The following ABCA9 variants were observed in gnomAD, a reference collection of about 807,000 sequenced individuals.
The protein encoded by ABCA9 is ATP-binding cassette sub-family A member 9.
ABCA9 carries 183 observed loss-of-function variants against 205.3 expected under a neutral mutation model. That is an observed-to-expected ratio of 0.89 (90% CI 0.79 to 1.01). ABCA9 has a LOEUF of 1.01. Ranked by LOEUF, ABCA9 falls within the 50% of genes least tolerant of loss-of-function variation. The pLI is 0.00. For missense variants in ABCA9, 1,805 were observed against 1,912.4 expected, an observed-to-expected ratio of 0.94 and a Z score of 1.05; for synonymous variants, 651 against 683.3, an observed-to-expected ratio of 0.95 and a Z score of 0.74.
chr17:69,025,775 G>A (rs1242337941), intron 16 of ABCA9, among the ~76,000 whole-genome samples: 2 of 152,118 alleles, frequency 1.3e-5, no homozygotes, highest in Non-Finnish European at 2.9e-5. Flanking sequence ...TACAAGTCGT[G>A]GAGATTGGCA....
At chr17:68,991,948 T>C (rs2069466495) in intron 28 of ABCA9, among the ~76,000 whole-genome samples, 2 of 152,222 alleles carry the variant, frequency 1.3e-5, no homozygotes, top group Non-Finnish European at 2.9e-5. Context: ...AGTAAAATTA[T>C]GGTCTGCCTT....
intron 8 of ABCA9, among the ~76,000 whole-genome samples, chr17:69,034,325 G>A (rs1374720660): frequency 3.9e-5 from 6 of 152,138 alleles, no homozygotes; most frequent in African/African-American, 9.7e-5. Flanking sequence ...GGACCTAGGT[G>A]ATTCTCCCAC....
At chr17:69,016,484 A>G in intron 21 of ABCA9, 94 bp from the exon 22 acceptor site, 5 of 1,166,728 alleles carry the variant, frequency 4.3e-6, no homozygotes, top group Non-Finnish European at 5.9e-6. Flanking sequence ...GTTACTGATA[A>G]TATAATAAGT....
At chr17:68,981,182 A>G (rs1567910138) in intron 37 of ABCA9, among the ~76,000 whole-genome samples, 1 of 152,222 alleles carries the variant, frequency 6.6e-6, no homozygotes, top group Non-Finnish European at 1.5e-5. Context: ...ACGATGTTTC[A>G]GTCAGACAGG....
At chr17:69,034,948 T>C (rs1211954847) in intron 8 of ABCA9, 1 of 216,628 alleles carries the variant, frequency 4.6e-6, no homozygotes, top group Non-Finnish European at 9.0e-6. Context: ...TTTTAAATGC[T>C]TGTGATAACA....
intron 29 of ABCA9, among the ~76,000 whole-genome samples, chr17:68,990,138 G>A (rs1453897928): frequency 6.6e-6 from 1 of 152,128 alleles, no homozygotes; most frequent in East Asian, 1.9e-4. Context: ...TTTGTTCTTT[G>A]GAGAGCAGGA....
chr17:69,018,723 G>C, intron 19 of ABCA9, 144 bp from the exon 20 acceptor site: 1 of 635,612 alleles, frequency 1.6e-6, no homozygotes, highest in Non-Finnish European at 2.5e-6. Flanking sequence ...CCACTTCCTT[G>C]TTTCTAAAAT....
chr17:69,020,673 G>C, intron 18 of ABCA9, 87 bp from the exon 19 acceptor site: 1 of 1,257,616 alleles, frequency 8.0e-7, no homozygotes, highest in East Asian at 2.4e-5. Flanking sequence ...CTACAAAGGT[G>C]TCAAAGTTAC....
At position 68,986,172 on chromosome 17, in the gene ABCA9, G is replaced by A. The variant is rs1161832189; in HGVS notation, c.4200C>T (p.Ala1400=). 1 of 1,610,248 alleles carries A rather than the reference G, an allele frequency of 6.2e-7. No individual in the cohort carries two copies. The highest frequency in any genetic ancestry group is 8.5e-7 in the Non-Finnish European group (1 of 1,178,274). The change falls in exon 32 of 39, where the codon GCC becomes GCT. Residue 1400 remains alanine, a synonymous_variant. Transcript: ENST00000340001. ...KGLRKGDAMI[A]ITRLVDALKL... ...CCCCCAGTCCCAGGTACCGTGTGAT[G>A]GCGATCATTGCGTCCCCTTTCCTGA...
At chr17:69,064,354 C>T (rs957546698), upstream of ABCA9, among the ~76,000 whole-genome samples, 2 of 152,204 alleles carry the variant, frequency 1.3e-5, no homozygotes, top group African/African-American at 4.8e-5. Flanking sequence ...TCAGGATCTA[C>T]ATTACTCTGG....
chr17:68,990,117 A>G lies in ABCA9; in HGVS notation c.3838-187T>C, dbSNP rs559589688. 8.8e-4 allele frequency among the ~76,000 whole-genome samples: 134 copies of G among 152,306 alleles called. 2 individuals are homozygous for G. The South Asian group carries it at 0.014, about 16-fold the overall frequency. On this transcript the variant is annotated intron_variant, in intron 29 of 38. Transcript: ENST00000340001. The stretch of plus-strand genomic sequence containing the variant: ...CCTGCAAGGAAAGGGCATTTGCACC[A>G]TATCCTGGGATTTGTTCTTTGGAGA...
At chr17:68,993,172 C>A (rs2069510677) in intron 26 of ABCA9, 88 bp from the exon 27 acceptor site, 2 of 1,103,474 alleles carry the variant, frequency 1.8e-6, no homozygotes, top group East Asian at 4.9e-5. Context: ...GATGCCTATT[C>A]AATGGCCTTA....
intron 1 of ABCA9, among the ~76,000 whole-genome samples, chr17:69,056,033 T>C (rs1266723626): frequency 1.3e-5 from 2 of 152,198 alleles, no homozygotes; most frequent in African/African-American, 4.8e-5. Flanking sequence ...GAGAGAAATT[T>C]ACAGCATCCA....
chr17:69,021,597 C>T (rs1369530396), intron 18 of ABCA9, 145 bp downstream of exon 18: 1 of 547,650 alleles, frequency 1.8e-6, no homozygotes, highest in Non-Finnish European at 3.1e-6. Flanking sequence ...TGAATCATAG[C>T]ACCAACAAAA....
the ABCA9 span, chr17:69,078,943 G>A: frequency 2.8e-6 from 4 of 1,424,706 alleles, no homozygotes; most frequent in Non-Finnish European, 2.9e-6. Context: ...GTTTATAGGA[G>A]ATCAACAAAA....
the ABCA9 span, among the ~76,000 whole-genome samples, chr17:69,066,944 G>A: frequency 1.3e-5 from 2 of 152,110 alleles, no homozygotes; most frequent in East Asian, 1.9e-4. Context: ...ATTTTTAGAA[G>A]TTATTTATCA....
Position 69,020,596 on chromosome 17 carries a change from A to C in ABCA9, c.2402-10T>G. The C allele has an allele frequency of 1.2e-6, 2 of 1,609,350 alleles. No individual in the cohort carries two copies. Among genetic ancestry groups the C allele is most frequent in the Non-Finnish European group, 8.5e-7 (1 of 1,176,750 alleles). The stretch of plus-strand genomic sequence containing the variant: ...CCCCAAATTCCAATATCTAAAACAT[A>C]AGATCAATATTTTATAAAGTGCCAT... On this transcript the variant is annotated splice_polypyrimidine_tract_variant and intron_variant, in intron 18 of 38. Coordinates refer to ENST00000340001, the MANE Select transcript of ABCA9 (RefSeq NM_080283.4).
At chr17:68,986,142 A>G in intron 32 of ABCA9, 22 bp downstream of exon 32, 1 of 1,579,010 alleles carries the variant, frequency 6.3e-7, no homozygotes, top group Non-Finnish European at 8.6e-7. Context: ...AGCAAAGGGG[A>G]GTGCCCCCCA....
At chr17:69,043,343 T>A in intron 6 of ABCA9, 146 bp downstream of exon 6, 1 of 592,204 alleles carries the variant, frequency 1.7e-6, no homozygotes. Flanking sequence ...GCCACTCACC[T>A]CCTGCTATGT....
Sources: allele counts gnomAD v4.1 joint callset (sites outside exome capture counted in the v4.1 genomes callset), GRCh38; gene constraint gnomAD v4.1.1; transcripts MANE v1.5; gene names NCBI Gene and HGNC (gene_info 2026-07-23, HGNC 2026-07-21).